Variants in KDM2A observed in about 807,000 individuals in gnomAD.
KDM2A encodes the protein lysine demethylase 2A.
A neutral mutation model predicts 137.3 loss-of-function variants in KDM2A; 3 were observed. That is an observed-to-expected ratio of 0.02 (90% CI 0.01 to 0.06). The LOEUF (loss-of-function observed/expected upper bound fraction) is 0.06, where lower values mean the gene tolerates loss of function less well. Ranked by LOEUF, KDM2A falls within the 10% of genes least tolerant of loss-of-function variation. The probability of loss-of-function intolerance (pLI) is 1.00; values close to 1 mark genes in which losing one functional copy is unlikely to be tolerated. For missense variants in KDM2A, 738 were observed against 1,510.6 expected (o/e 0.49, Z 8.48); for synonymous variants, 512 against 541.5 (o/e 0.95, Z 0.76).
chr11:67,215,647 AAAAC>A, intron 7 of KDM2A: 2 of 625,160 alleles, frequency 3.2e-6, no homozygotes, highest in Non-Finnish European at 5.6e-6. Context: ...TAAAGGAAAA[AAAAC>A]TTACATTTTA....
chr11:67,235,086 A>G (rs1858826563), intron 12 of KDM2A, among the ~76,000 whole-genome samples: 1 of 148,864 alleles, frequency 6.7e-6, no homozygotes, highest in African/African-American at 2.5e-5. Context: ...CGGAGCTTGC[A>G]GTGAGCCCAG....
chr11:67,162,946 G>A (rs1424605114), intron 2 of KDM2A, among the ~76,000 whole-genome samples: 2 of 152,166 alleles, frequency 1.3e-5, no homozygotes, highest in Admixed American at 6.6e-5. Context: ...CTGGCCTCAA[G>A]TGATCCTCTT....
intron 9 of KDM2A, 43 bp from the exon 10 acceptor site, chr11:67,219,245 A>T (rs758163838): frequency 5.3e-6 from 5 of 943,678 alleles, no homozygotes; most frequent in Non-Finnish European, 8.1e-6. Flanking sequence ...GACTTACTGT[A>T]ATGTGTGTTT....
chr11:67,169,090 G>A (rs1335301981), intron 2 of KDM2A, among the ~76,000 whole-genome samples: 1 of 151,648 alleles, frequency 6.6e-6, no homozygotes, highest in Admixed American at 6.6e-5. Context: ...TGAGTAGCTG[G>A]GATCACAGGC....
chr11:67,165,110 A>G (rs1254747396), intron 2 of KDM2A, among the ~76,000 whole-genome samples: 3 of 151,312 alleles, frequency 2.0e-5, no homozygotes, highest in Non-Finnish European at 4.4e-5. Flanking sequence ...GAAGGGAGTA[A>G]TTTAGAATAC....
chr11:67,172,893 CTTTTT>C (rs1038718259), intron 2 of KDM2A, among the ~76,000 whole-genome samples: 1 of 151,526 alleles, frequency 6.6e-6, no homozygotes, highest in African/African-American at 2.4e-5. Flanking sequence ...ATGTTTTTCT[CTTTTT>C]TTTATTTTTG....
At chr11:67,224,558 C>G (rs1858474467) in intron 10 of KDM2A, among the ~76,000 whole-genome samples, 2 of 147,446 alleles carry the variant, frequency 1.4e-5, no homozygotes, top group Non-Finnish European at 3.0e-5. Context: ...AGCTCCGCCT[C>G]CTGGGTTCAC....
At chr11:67,189,126 T>C (rs1857281945) in intron 5 of KDM2A, among the ~76,000 whole-genome samples, 1 of 152,180 alleles carries the variant, frequency 6.6e-6, no homozygotes, top group Non-Finnish European at 1.5e-5. Flanking sequence ...TTTTCAAGTG[T>C]ATGTAGGACA....
chr11:67,161,957 C>A (rs1360499686), intron 2 of KDM2A, among the ~76,000 whole-genome samples: 1 of 152,024 alleles, frequency 6.6e-6, no homozygotes, highest in African/African-American at 2.4e-5. Context: ...AGATTCAACT[C>A]AGTTTTCAGT....
At chr11:67,121,675 A>G (rs1230212068) in intron 2 of KDM2A, among the ~76,000 whole-genome samples, 1 of 152,240 alleles carries the variant, frequency 6.6e-6, no homozygotes, top group African/African-American at 2.4e-5. Flanking sequence ...ATTGTAATAC[A>G]TCTGATTACG....
In KDM2A at chr11:67,186,143, A is replaced by C. The variant is rs778564648; in HGVS notation, c.307+4251A>C. ...TGAAAGACAGGAGTATAAACATCCA[A>C]ACAGCTCAATGAACTCCAAGTAAGA... On this transcript the variant is annotated intron_variant, in intron 5 of 20. Transcript: ENST00000529006. Among the ~76,000 whole-genome samples the C allele has an allele frequency of 2.0e-5, 3 of 152,168 alleles. No homozygotes were observed. In the East Asian group the frequency reaches 5.8e-4, roughly 29 times the overall value.
chr11:67,142,573 G>A (rs1054238656), intron 2 of KDM2A, among the ~76,000 whole-genome samples: 1 of 114,930 alleles, frequency 8.7e-6, no homozygotes, highest in African/African-American at 3.2e-5. Flanking sequence ...TGGGGTTGGG[G>A]TTGGGGTTGG....
intron 11 of KDM2A, among the ~76,000 whole-genome samples, chr11:67,231,141 T>A (rs1858705741): frequency 6.6e-6 from 1 of 152,052 alleles, no homozygotes; most frequent in Non-Finnish European, 1.5e-5. Flanking sequence ...AATGTAGAGA[T>A]GGGGTCTCAC....
Position 67,245,477 on chromosome 11 carries a change from A to G in KDM2A, c.1833+19A>G. ...CTTGGCAGTGAGTGATCTGCTGGGT[A>G]AAGAATTTTGGGGAGGGGTGGCAGT... On this transcript the variant is annotated intron_variant, in intron 14 of 20. Transcript: ENST00000529006. The surrounding 1 kb of genome is among the most constrained non-coding windows in gnomAD (Gnocchi z 4.1). 3 of 1,610,246 alleles carry G rather than the reference A, an allele frequency of 1.9e-6. No individual in the cohort carries two copies. Among genetic ancestry groups the G allele is most frequent in the Non-Finnish European group, 1.7e-6 (2 of 1,177,752 alleles).
chr11:67,180,035 T>G (rs1332486506), intron 2 of KDM2A, 44 bp from the exon 3 acceptor site: 2 of 1,580,358 alleles, frequency 1.3e-6, no homozygotes, highest in Non-Finnish European at 1.7e-6. Context: ...TAGGTAGGCA[T>G]GAAAAAGTGC....
At chr11:67,165,848 C>G (rs1856729400) in intron 2 of KDM2A, among the ~76,000 whole-genome samples, 1 of 152,124 alleles carries the variant, frequency 6.6e-6, no homozygotes, top group African/African-American at 2.4e-5. Flanking sequence ...AAAGGTCACT[C>G]TTACTTCCCC....
chr11:67,175,547 G>A (rs548749980), intron 2 of KDM2A, among the ~76,000 whole-genome samples: 1 of 152,242 alleles, frequency 6.6e-6, no homozygotes, highest in South Asian at 2.1e-4. Flanking sequence ...TTAATAAATG[G>A]GAATGGCTTG....
intron 2 of KDM2A, among the ~76,000 whole-genome samples, chr11:67,128,704 C>A (rs779548729): frequency 3.3e-5 from 5 of 152,258 alleles, no homozygotes; most frequent in Admixed American, 3.3e-4. Context: ...TTTTATTTTG[C>A]TGAGCATTAA....
intron 2 of KDM2A, among the ~76,000 whole-genome samples, chr11:67,139,311 C>T (rs931227627): frequency 2.0e-5 from 3 of 151,658 alleles, no homozygotes; most frequent in Non-Finnish European, 2.9e-5. Flanking sequence ...GTGGCATGAT[C>T]TCAGCTCATT....
Sources: gnomAD v4.1 joint callset for allele counts (sites outside exome capture counted in the v4.1 genomes callset) on GRCh38, gnomAD v4.1.1 for gene constraint, Gnocchi (gnomAD v3.1) non-coding constraint, MANE v1.5 for transcripts, NCBI Gene and HGNC (gene_info 2026-07-23, HGNC 2026-07-21) for gene names.